PARP6: variants seen among roughly 807,000 people sequenced by gnomAD.
PARP6 encodes the protein poly(ADP-ribose) polymerase family member 6.
A neutral mutation model predicts 92.0 loss-of-function variants in PARP6; 27 were observed. The ratio of observed to expected loss-of-function variants is 0.29; its 90% confidence interval spans 0.22 to 0.40. The LOEUF (loss-of-function observed/expected upper bound fraction) is 0.40. PARP6 is among the 10% of genes least tolerant of loss of function. PARP6 has a pLI of 1.00. For missense variants in PARP6, 501 were observed against 784.5 expected (o/e 0.64, Z 4.32); for synonymous variants, 272 against 281.2 (o/e 0.97, Z 0.33).
Position 72,242,619 on chromosome 15 carries a change from C to T in PARP6, c.1641+1G>A. 6.3e-7 allele frequency: 1 copy of T among 1,595,350 alleles called. No individual in the cohort carries two copies. The highest frequency in any genetic ancestry group is 2.2e-5 in the East Asian group (1 of 44,796). ...CTGCCTCATTAGAATAGTTCCAATA[C>T]CTGGGGGATGGTATTCATCCTGTTG... On this transcript the variant is annotated splice_donor_variant, in intron 21 of 23. Transcript: ENST00000569795. LOFTEE classifies it high-confidence loss of function. This position sits in a 1 kb window ranked among gnomAD's most constrained non-coding sequence, Gnocchi z 4.3.
intron 14 of PARP6, among the ~76,000 whole-genome samples, chr15:72,255,826 T>C (rs1292673666): frequency 8.3e-6 from 1 of 120,026 alleles, no homozygotes; most frequent in Non-Finnish European, 1.6e-5. Flanking sequence ...AGACAGAGTC[T>C]CGCTCTGTCA....
chr15:72,249,136 T>G (rs1182162211), intron 20 of PARP6, 109 bp downstream of exon 20: 1 of 574,360 alleles, frequency 1.7e-6, no homozygotes, highest in African/African-American at 1.8e-5. Context: ...GGGAGAGAGC[T>G]GACACAGACC....
At chr15:72,251,480 T>C (rs2084342762) in intron 16 of PARP6, 7 of 352,232 alleles carry the variant, frequency 2.0e-5, no homozygotes, top group South Asian at 3.9e-5. Flanking sequence ...AAGCTAATTA[T>C]TGGGGAGTTA....
intron 20 of PARP6, among the ~76,000 whole-genome samples, chr15:72,248,228 A>G (rs2083876525): frequency 6.6e-6 from 1 of 151,548 alleles, no homozygotes. Flanking sequence ...TATCTATTGT[A>G]CCTATTTTTA....
chr15:72,241,234 C>CA lies in PARP6; in HGVS notation c.*220dup, dbSNP rs1477216325. The CA allele has an allele frequency of 6.0e-6, 4 of 668,532 alleles. No homozygotes were observed. Among genetic ancestry groups the CA allele is most frequent in the Non-Finnish European group, 1.1e-5 (4 of 363,072 alleles). 41.4% of individuals were successfully genotyped at this position (668,532 alleles called of 1,614,324 possible). On this transcript the variant is annotated 3_prime_UTR_variant, in exon 24 of 24. Transcript: ENST00000569795. This position sits in a 1 kb window ranked among gnomAD's most constrained non-coding sequence, Gnocchi z 4.1. ...GTTTTATTTACAAACAGGGTGAAGTCAAAGGGAAAGTCAGGGGATGGAGTC... is the reference window on the plus strand; with the variant it reads ...GTTTTATTTACAAACAGGGTGAAGTCAAAAGGGAAAGTCAGGGGATGGAGTC...
intron 12 of PARP6, 49 bp from the exon 13 acceptor site, chr15:72,257,489 G>T: frequency 6.9e-7 from 1 of 1,459,568 alleles, no homozygotes; most frequent in African/African-American, 1.4e-5. Context: ...TGTGCAATAA[G>T]GTGTAGGCAG....
chr15:72,250,823 G>GCCCACCC, intron 18 of PARP6, 22 bp downstream of exon 18: 1 of 1,219,504 alleles, frequency 8.2e-7, no homozygotes, highest in Non-Finnish European at 1.2e-6. Flanking sequence ...CACCCCCACT[G>GCCCACCC]CCCAGCCCCC....
intron 14 of PARP6, 74 bp downstream of exon 14, chr15:72,256,391 G>A: frequency 7.9e-7 from 1 of 1,266,360 alleles, no homozygotes; most frequent in Non-Finnish European, 1.0e-6. Flanking sequence ...GTATATACCA[G>A]AATGTCAGCC....
Position 72,265,998 on chromosome 15 carries a change from T to G in PARP6, c.82-7A>C, listed in dbSNP as rs2086541310. 1 of 1,599,492 alleles carries G rather than the reference T, an allele frequency of 6.3e-7. No individual in the cohort carries two copies. The highest frequency in any genetic ancestry group is 1.3e-5 in the African/African-American group (1 of 74,682). ...GGTCAGCTGCACAGCTCCCCTGAGA[T>G]AGCAGCAAAAATGGTGGTGGAGAGA... On this transcript the variant is annotated splice_region_variant and splice_polypyrimidine_tract_variant and intron_variant, in intron 4 of 23. Transcript: ENST00000569795.
At chr15:72,270,105 C>G (rs1055408246) in intron 2 of PARP6, among the ~76,000 whole-genome samples, 1 of 152,004 alleles carries the variant, frequency 6.6e-6, no homozygotes, top group Non-Finnish European at 1.5e-5. Flanking sequence ...AGGATGGGGA[C>G]AAAAGACACC....
At chr15:72,247,123 G>A (rs982893161) in intron 20 of PARP6, among the ~76,000 whole-genome samples, 3 of 152,036 alleles carry the variant, frequency 2.0e-5, no homozygotes, top group Non-Finnish European at 4.4e-5. Flanking sequence ...CTGTCGGTTT[G>A]TAGCCTGTCT....
chr15:72,257,334 T>C lies in PARP6; in HGVS notation c.999+14A>G. On this transcript the variant is annotated intron_variant, in intron 13 of 23. Transcript: ENST00000569795. Reference sequence around the variant, plus strand: ...TTGATCCCAATTCCCCAGCCACGTTTCCCTCCCCCATACCTCTGCTCCAGT... The same window carrying C: ...TTGATCCCAATTCCCCAGCCACGTTCCCCTCCCCCATACCTCTGCTCCAGT... 1.3e-6 allele frequency: 2 copies of C among 1,592,042 alleles called. No individual in the cohort carries two copies. The highest frequency in any genetic ancestry group is 1.7e-6 in the Non-Finnish European group (2 of 1,159,982).
chr15:72,264,516 C>T, intron 8 of PARP6, 39 bp downstream of exon 8: 1 of 1,490,476 alleles, frequency 6.7e-7, no homozygotes, highest in Non-Finnish European at 9.4e-7. Context: ...TCTCTCCTTC[C>T]TTCACATGTC....
chr15:72,251,944 T>C (rs1482554063), intron 16 of PARP6, among the ~76,000 whole-genome samples: 2 of 152,248 alleles, frequency 1.3e-5, no homozygotes, highest in African/African-American at 2.4e-5. Flanking sequence ...GCCTCATCTA[T>C]GTACCTGTGA....
At chr15:72,269,883 C>G (rs1272778631) in intron 2 of PARP6, among the ~76,000 whole-genome samples, 2 of 105,720 alleles carry the variant, frequency 1.9e-5, no homozygotes, top group Non-Finnish European at 3.6e-5. Context: ...TGGGGGGCAA[C>G]AGCAAAACTC....
At position 72,258,112 on chromosome 15, in the gene PARP6, C is replaced by G; in HGVS notation, c.831G>C (p.Gln277His). ...AGTACTCATTCAATGTTGGAATCCT[C>G]TGTTCTGCATACTTCATGATCTGAG... Reference protein sequence around the residue: ...FLVQIMKYAEQRIPTLNEYCV... With the variant: ...FLVQIMKYAEHRIPTLNEYCV... Residue 277 changes from glutamine to histidine, a missense_variant, in exon 12 of 24, where the codon CAG becomes CAC. Gln to His is a conservative substitution (Grantham distance 24). Coordinates refer to ENST00000569795, the MANE Select transcript of PARP6 (RefSeq NM_001323532.2). 6.2e-7 allele frequency: 1 copy of G among 1,613,054 alleles called. No individual in the cohort carries two copies. Among genetic ancestry groups the G allele is most frequent in the African/African-American group, 1.3e-5 (1 of 75,050 alleles).
At chr15:72,265,781 A>G in intron 5 of PARP6, 116 bp downstream of exon 5, 2 of 741,654 alleles carry the variant, frequency 2.7e-6, no homozygotes, top group Non-Finnish European at 4.6e-6. Context: ...AGCATTTTCT[A>G]TCATTAAGTT....
chr15:72,267,838 G>A (rs1333844513), intron 2 of PARP6, among the ~76,000 whole-genome samples, 167 bp from the exon 3 acceptor site: 1 of 151,834 alleles, frequency 6.6e-6, no homozygotes, highest in Non-Finnish European at 1.5e-5. Flanking sequence ...TGCAACCTCC[G>A]CCTCCTGGGT....
rs754264929 is a variant in PARP6, at chr15:72,242,216, C to A, written c.1646G>T (p.Arg549Leu). The A allele has an allele frequency of 6.2e-7, 1 of 1,613,900 alleles. No homozygotes were observed. Among genetic ancestry groups the A allele is most frequent in the Non-Finnish European group, 8.5e-7 (1 of 1,179,848 alleles). Reference protein sequence around the residue: ...YNRMNTIPQTRSIQSRFLQSR... With the variant: ...YNRMNTIPQTLSIQSRFLQSR... ...CTGCAGGAACCGTGACTGAATGGAT[C>A]GGGTCTGGAAGAGAAGGAGGCAAAG... The change falls in exon 22 of 24, where the codon CGA becomes CTA. Residue 549 changes from arginine to leucine, a missense_variant. Around this residue, in one of 4 missense-constraint regions of PARP6, gnomAD observed 191 missense variants for 399.1 expected, o/e 0.48. Coordinates refer to ENST00000569795, the MANE Select transcript of PARP6 (RefSeq NM_001323532.2). The surrounding 1 kb of genome is among the most constrained non-coding windows in gnomAD (Gnocchi z 4.3).
Sources: gnomAD v4.1 joint callset for allele counts (sites outside exome capture counted in the v4.1 genomes callset) on GRCh38, gnomAD v4.1.1 for gene constraint, gnomAD v4.1.1 regional missense constraint, Gnocchi (gnomAD v3.1) non-coding constraint, MANE v1.5 for transcripts, NCBI Gene and HGNC (gene_info 2026-07-23, HGNC 2026-07-21) for gene names.